RNF103: variants seen among roughly 807,000 people sequenced by gnomAD.
RNF103 encodes the protein ring finger protein 103, also known as E3 ubiquitin-protein ligase RNF103.
In RNF103, 23 loss-of-function variants were observed where a neutral mutation model predicts 66.2. The observed-to-expected ratio is 0.35, with a 90% CI of 0.25 to 0.49. RNF103 has a LOEUF of 0.49. RNF103 is among the 20% of genes least tolerant of loss of function. The probability of loss-of-function intolerance (pLI) is 0.98; values close to 1 mark genes in which losing one functional copy is unlikely to be tolerated. For synonymous variants in RNF103, 297 were observed against 289.9 expected (o/e 1.02, Z -0.25); for missense variants, 730 against 814.7 (o/e 0.90, Z 1.27).
chr2:86,621,998 CA>C (rs948809522), intron 1 of RNF103, among the ~76,000 whole-genome samples: 6 of 151,750 alleles, frequency 4.0e-5, no homozygotes, highest in African/African-American at 9.7e-5. Context: ...ACACAGAAGA[CA>C]AAAAAAATTT....
Position 86,603,840 on chromosome 2 carries a change from T to C in RNF103, c.*3A>G, listed in dbSNP as rs1678436108. The stretch of plus-strand genomic sequence containing the variant: ...AAGCTTATAAAGGACAAATTGCACA[T>C]GGTTAAGATGGGACATCATTTGACA... On this transcript the variant is annotated 3_prime_UTR_variant, in exon 4 of 4. Coordinates refer to ENST00000237455, the MANE Select transcript of RNF103 (RefSeq NM_005667.4). 3.7e-6 allele frequency: 6 copies of C among 1,602,102 alleles called. No individual in the cohort carries two copies. Among genetic ancestry groups the C allele is most frequent in the Non-Finnish European group, 5.1e-6 (6 of 1,175,356 alleles).
chr2:86,603,507 A>T lies in RNF103; in HGVS notation c.*336T>A, dbSNP rs1056378367. ...CAGAGATTGTAAAAAGGGAGGAAAC[A>T]TTTAGGATAAGAAACCGGCTCAATT... On this transcript the variant is annotated 3_prime_UTR_variant, in exon 4 of 4. Coordinates refer to ENST00000237455, the MANE Select transcript of RNF103 (RefSeq NM_005667.4). 4.9e-5 allele frequency: 12 copies of T among 246,640 alleles called. No individual in the cohort carries two copies. The highest frequency in any genetic ancestry group is 2.3e-4 in the African/African-American group (10 of 43,996). The allele number at this position is 246,640 out of a possible 1,614,324, so 15.3% of individuals were successfully genotyped here.
chr2:86,614,181 C>G (rs11890049), intron 2 of RNF103: 11,236 of 152,252 alleles, frequency 0.074, 447 homozygotes, highest in Non-Finnish European at 0.082. Flanking sequence ...CTGAAGTAAC[C>G]AGGAAGAAGG....
intron 3 of RNF103, among the ~76,000 whole-genome samples, chr2:86,610,738 T>TA: frequency 6.6e-6 from 1 of 152,184 alleles, no homozygotes; most frequent in African/African-American, 2.4e-5. Flanking sequence ...TTGGCATAAC[T>TA]AAAAAAATCA....
rs150257357 is a variant in RNF103, at chr2:86,605,169, G to A, written c.732C>T (p.Asp244=). 23 of 1,613,580 alleles carry A rather than the reference G, an allele frequency of 1.4e-5. No individual in the cohort carries two copies. In the African/African-American group the frequency reaches 2.9e-4, roughly 21 times the overall value. Residue 244 remains aspartate, a synonymous_variant, in exon 4 of 4, where the codon GAC becomes GAT. Transcript: ENST00000237455. ...WLKIYLFANL[D]QPPAFFSALS... The stretch of plus-strand genomic sequence containing the variant: ...GTGCAGAGAAGAAAGCTGGGGGCTG[G>A]TCAAGGTTTGCAAATAGGTATATTT...
intron 3 of RNF103, among the ~76,000 whole-genome samples, chr2:86,605,899 G>C (rs1462474647): frequency 6.6e-6 from 1 of 152,182 alleles, no homozygotes; most frequent in Non-Finnish European, 1.5e-5. Flanking sequence ...TTAGAATCCA[G>C]ATGGGTGGAG....
chr2:86,623,659 C>G lies in RNF103; in HGVS notation c.-773G>C. The G allele has an allele frequency of 8.6e-7, 1 of 1,161,884 alleles. No individual in the cohort carries two copies. Among genetic ancestry groups the G allele is most frequent in the Middle Eastern group, 3.5e-4 (1 of 2,838 alleles). The allele number at this position is 1,161,884 out of a possible 1,614,324, so 72.0% of individuals were successfully genotyped here. A position where few individuals can be genotyped will look rare whatever the true frequency, so the allele number is the denominator to read the frequency against. On this transcript the variant is annotated 5_prime_UTR_variant, in exon 1 of 4. Coordinates refer to ENST00000237455, the MANE Select transcript of RNF103 (RefSeq NM_005667.4). Reference sequence around the variant, plus strand: ...CGGTCTCTGCAGATGGAATCGGTCTCGGAGGGAAAAAACCAATAATAGGCC... The same window carrying G: ...CGGTCTCTGCAGATGGAATCGGTCTGGGAGGGAAAAAACCAATAATAGGCC...
rs1331897846 is a variant in RNF103, at chr2:86,620,318, T to C, written c.366+12A>G. The stretch of plus-strand genomic sequence containing the variant: ...GGCTCTCGAATTATCAAATTATTAC[T>C]GCTTTTCATACCTGAACCAGCCAGA... On this transcript the variant is annotated intron_variant, in intron 2 of 3. Transcript: ENST00000237455. The C allele has an allele frequency of 1.3e-6, 2 of 1,584,474 alleles. No individual in the cohort carries two copies. The highest frequency in any genetic ancestry group is 2.7e-5 in the African/African-American group (2 of 74,054).
chr2:86,611,699 C>T (rs958966434), intron 3 of RNF103, among the ~76,000 whole-genome samples: 8 of 151,996 alleles, frequency 5.3e-5, no homozygotes, highest in Non-Finnish European at 8.8e-5. Context: ...ATTTCAGATA[C>T]TAGGTTTCAG....
rs1573374457 is a variant in RNF103 at position 86,623,304 on chromosome 2, G to A, written c.-418C>T. On this transcript the variant is annotated 5_prime_UTR_variant, in exon 1 of 4. Coordinates refer to ENST00000237455, the MANE Select transcript of RNF103 (RefSeq NM_005667.4). Reference sequence around the variant, plus strand: ...GCCGCGATCTCAAGGGGGAGGGGGAGACCAAAAAATAACTCAGATCCGCCC... The same window carrying A: ...GCCGCGATCTCAAGGGGGAGGGGGAAACCAAAAAATAACTCAGATCCGCCC... 1.2e-5 allele frequency: 12 copies of A among 990,286 alleles called. No individual in the cohort carries two copies. Among genetic ancestry groups the A allele is most frequent in the Non-Finnish European group, 1.3e-5 (11 of 833,896 alleles). 61.3% of individuals were successfully genotyped at this position (990,286 alleles called of 1,614,324 possible).
At position 86,605,388 on chromosome 2, in the gene RNF103, G is replaced by A; in HGVS notation, c.513C>T (p.Ser171=). ...RYCRRRGWVR[S]TLIMSVPQTS... is the part of the protein sequence containing the mutation. ...TTTGTGGAACAGACATAATGAGTGT[G>A]GATCGGACCCAGCCTCTTCTCCTGC... Residue 171 remains serine (S), a synonymous_variant, in exon 4 of 4, where the codon TCC becomes TCT. Transcript: ENST00000237455. 6.2e-7 allele frequency: 1 copy of A among 1,612,060 alleles called. No homozygotes were observed. The highest frequency in any genetic ancestry group is 8.5e-7 in the Non-Finnish European group (1 of 1,179,128).
At chr2:86,616,958 G>C in intron 2 of RNF103, 1 of 985,406 alleles carries the variant, frequency 1.0e-6, no homozygotes, top group Non-Finnish European at 1.2e-6. Flanking sequence ...TATTTGTAAT[G>C]CTATGAAGAC....
In RNF103 at chr2:86,616,511, C is replaced by T. The variant is rs191698276; in HGVS notation, c.366+3819G>A. ...ACAAAATATAAGATAAAGTGGCTTG[C>T]TATGTGCTTCACCTCCATAGCAGTA... On this transcript the variant is annotated intron_variant, in intron 2 of 3. Transcript: ENST00000237455. 1.7e-3 allele frequency: 1,683 copies of T among 984,632 alleles called. 8 individuals carry two copies. In the South Asian group the frequency reaches 0.024, roughly 14 times the overall value. The allele number at this position is 984,632 out of a possible 1,614,324, so 61.0% of individuals were successfully genotyped here.
chr2:86,618,675 A>C (rs1160680476), intron 2 of RNF103: 1 of 152,228 alleles, frequency 6.6e-6, no homozygotes, highest in Non-Finnish European at 1.5e-5. Context: ...CCATGGGATC[A>C]TTCAATGTGG....
intron 2 of RNF103, among the ~76,000 whole-genome samples, chr2:86,619,083 C>G (rs1188128559): frequency 6.6e-6 from 1 of 152,084 alleles, no homozygotes; most frequent in African/African-American, 2.4e-5. Context: ...AAACCTCAAC[C>G]CTTTAGCACA....
At chr2:86,611,651 G>A (rs1011445690) in intron 3 of RNF103, among the ~76,000 whole-genome samples, 2 of 152,026 alleles carry the variant, frequency 1.3e-5, no homozygotes, top group African/African-American at 2.4e-5. Context: ...AAAGGTAGAA[G>A]GATACATGGA....
At chr2:86,606,885 C>A (rs1678586694) in intron 3 of RNF103, among the ~76,000 whole-genome samples, 1 of 151,914 alleles carries the variant, frequency 6.6e-6, no homozygotes, top group South Asian at 2.1e-4. Context: ...TCAAGCGATT[C>A]TCCTGCCTCA....
chr2:86,616,895 G>A, intron 2 of RNF103: 1 of 985,406 alleles, frequency 1.0e-6, no homozygotes, highest in Non-Finnish European at 1.2e-6. Flanking sequence ...CCTATCCACT[G>A]TGCCATCTGC....
chr2:86,604,572 G>T lies in RNF103; in HGVS notation c.1329C>A (p.Asn443Lys), dbSNP rs747372915. 4 of 1,614,024 alleles carry T rather than the reference G, an allele frequency of 2.5e-6. No individual in the cohort carries two copies. The highest frequency in any genetic ancestry group is 1.3e-5 in the African/African-American group (1 of 74,920). The part of the protein sequence containing the change: ...YFEKKRRRNN[N>K]NDEVNANNLE... ...AGTTATTGGCATTGACTTCATCATT[G>T]TTGTTGTTGCGCCTTCTCTTCTTCT... is the stretch of plus-strand genomic sequence containing the variant. Residue 443 changes from asparagine to lysine, a missense_variant, in exon 4 of 4, where the codon AAC becomes AAA. Coordinates refer to ENST00000237455, the MANE Select transcript of RNF103 (RefSeq NM_005667.4).
Sources: gnomAD v4.1 joint callset for allele counts (sites outside exome capture counted in the v4.1 genomes callset) on GRCh38, gnomAD v4.1.1 for gene constraint, MANE v1.5 for transcripts, NCBI Gene and HGNC (gene_info 2026-07-23, HGNC 2026-07-21) for gene names.